PTPRD: variants seen among roughly 807,000 people sequenced by gnomAD.
The protein encoded by PTPRD is protein tyrosine phosphatase receptor type D.
Under a neutral mutation model 214.5 loss-of-function variants are expected in PTPRD, and 34 were observed. The ratio of observed to expected loss-of-function variants is 0.16; its 90% CI spans 0.12 to 0.21. The LOEUF is 0.21. Ranked by LOEUF, PTPRD falls within the 10% of genes least tolerant of loss-of-function variation. The pLI, the probability that PTPRD is intolerant of heterozygous loss-of-function variation, is 1.00. For missense variants in PTPRD, 2,545 were observed against 2,398.7 expected, an observed-to-expected ratio of 1.06 and a Z score of -1.27; for synonymous variants, 1,128 against 845.7, an observed-to-expected ratio of 1.33 and a Z score of -5.79.
chr9:9,162,355 ACT>A (rs2099891379), intron 10 of PTPRD, among the ~76,000 whole-genome samples: 1 of 151,938 alleles, frequency 6.6e-6, no homozygotes, highest in African/African-American at 2.4e-5. Flanking sequence ...CATCTTCCTA[ACT>A]CTTCTCAAAT....
At chr9:8,589,070 A>T (rs895765518) in intron 14 of PTPRD, among the ~76,000 whole-genome samples, 1 of 152,212 alleles carries the variant, frequency 6.6e-6, no homozygotes, top group African/African-American at 2.4e-5. Flanking sequence ...TCTATAGAAA[A>T]TTTTGAGTGA....
At chr9:9,080,722 T>C (rs2099757747) in intron 10 of PTPRD, among the ~76,000 whole-genome samples, 1 of 152,106 alleles carries the variant, frequency 6.6e-6, no homozygotes, top group Non-Finnish European at 1.5e-5. Flanking sequence ...AAATGTTCCC[T>C]TGGGAGGGTG....
At chr9:9,849,636 G>A (rs2060172406) in intron 5 of PTPRD, among the ~76,000 whole-genome samples, 1 of 151,512 alleles carries the variant, frequency 6.6e-6, no homozygotes, top group African/African-American at 2.4e-5. Flanking sequence ...TTTATGTAAG[G>A]TGTGATTGCT....
In PTPRD at chr9:9,284,214, A is replaced by G. The variant is rs1457109720; in HGVS notation, c.-202-100851T>C. ...CAGGTTTTAATTCCTCTTGTTCCCT[A>G]CAGCTGGGGTTACACTTGACCTGTA... is the stretch of plus-strand genomic sequence containing the variant. On this transcript the variant is annotated intron_variant, in intron 9 of 45. Coordinates refer to ENST00000381196, the MANE Select transcript of PTPRD (RefSeq NM_002839.4). Among the ~76,000 whole-genome samples, 3 of 151,582 alleles carry G rather than the reference A, an allele frequency of 2.0e-5. No homozygotes were observed. In the Admixed American group the frequency reaches 2.0e-4, roughly 10 times the overall value.
chr9:9,930,177 C>G (rs1326659034), intron 5 of PTPRD, among the ~76,000 whole-genome samples: 2 of 152,152 alleles, frequency 1.3e-5, no homozygotes, highest in East Asian at 1.9e-4. Context: ...AACCAGACAT[C>G]AGCACTGGAA....
intron 14 of PTPRD, among the ~76,000 whole-genome samples, chr9:8,545,552 T>A (rs1425784863): frequency 6.6e-6 from 1 of 152,236 alleles, no homozygotes; most frequent in African/African-American, 2.4e-5. Flanking sequence ...ACTGATTTCA[T>A]CACAGTGATT....
intron 3 of PTPRD, among the ~76,000 whole-genome samples, chr9:10,259,423 G>A (rs988120862): frequency 6.6e-6 from 1 of 152,028 alleles, no homozygotes; most frequent in African/African-American, 2.4e-5. Context: ...TGGAAGCCAG[G>A]GATAATGACA....
chr9:10,551,255 C>G (rs1482071821), intron 2 of PTPRD, among the ~76,000 whole-genome samples: 1 of 152,150 alleles, frequency 6.6e-6, no homozygotes, highest in Non-Finnish European at 1.5e-5. Context: ...AGGAGGATCC[C>G]TCATGTCCAG....
At chr9:10,494,089 C>G (rs1052803576) in intron 2 of PTPRD, among the ~76,000 whole-genome samples, 2 of 151,904 alleles carry the variant, frequency 1.3e-5, no homozygotes, top group African/African-American at 4.8e-5. Flanking sequence ...CAAACTCCAT[C>G]AAGTCGACAT....
At chr9:10,171,778 C>A (rs1244091339) in intron 3 of PTPRD, among the ~76,000 whole-genome samples, 1 of 152,184 alleles carries the variant, frequency 6.6e-6, no homozygotes, top group African/African-American at 2.4e-5. Flanking sequence ...CCGCCGTGGC[C>A]TCCCAAAGTG....
intron 35 of PTPRD, among the ~76,000 whole-genome samples, chr9:8,433,234 T>C (rs571160327): frequency 9.2e-4 from 140 of 152,330 alleles, no homozygotes; most frequent in African/African-American, 2.9e-3. Context: ...ATTACTCCTG[T>C]GGTTGCAGAG....
chr9:9,898,858 T>C (rs555145407), intron 5 of PTPRD, among the ~76,000 whole-genome samples: 83 of 152,224 alleles, frequency 5.5e-4, no homozygotes, highest in Admixed American at 2.2e-3. Context: ...ACCCACAGGA[T>C]TAAAATCTCT....
chr9:8,999,519 G>A (rs186904274), intron 11 of PTPRD, among the ~76,000 whole-genome samples: 1 of 152,204 alleles, frequency 6.6e-6, no homozygotes, highest in East Asian at 1.9e-4. Flanking sequence ...ACAATAGACT[G>A]TGAACAGAAC....
chr9:8,980,230 G>A (rs1178153175), intron 11 of PTPRD, among the ~76,000 whole-genome samples: 1 of 151,968 alleles, frequency 6.6e-6, no homozygotes, highest in Non-Finnish European at 1.5e-5. Flanking sequence ...TCATCAGTGG[G>A]GGTGGGGGCG....
intron 12 of PTPRD, among the ~76,000 whole-genome samples, chr9:8,638,644 C>G (rs2096500751): frequency 1.3e-5 from 2 of 152,044 alleles, no homozygotes; most frequent in South Asian, 4.1e-4. Flanking sequence ...GAATGAATTA[C>G]CACCTCATCA....
chr9:9,550,657 G>T (rs191264298), intron 8 of PTPRD, among the ~76,000 whole-genome samples: 201 of 151,222 alleles, frequency 1.3e-3, no homozygotes, highest in African/African-American at 4.4e-3. Flanking sequence ...GTAAAACCCC[G>T]CATGAAAAGA....
At chr9:9,306,899 T>A (rs1024071836) in intron 9 of PTPRD, among the ~76,000 whole-genome samples, 1 of 152,200 alleles carries the variant, frequency 6.6e-6, no homozygotes, top group Non-Finnish European at 1.5e-5. Context: ...CATTTGAATA[T>A]CTCAAAAGCA....
At chr9:9,967,727 C>T (rs191859346) in intron 4 of PTPRD, among the ~76,000 whole-genome samples, 11 of 152,058 alleles carry the variant, frequency 7.2e-5, no homozygotes, top group African/African-American at 2.4e-4. Context: ...AATGTGCTTT[C>T]GCTTTTTTAT....
chr9:9,349,289 G>A (rs1262034142), intron 9 of PTPRD, among the ~76,000 whole-genome samples: 1 of 152,064 alleles, frequency 6.6e-6, no homozygotes, highest in Non-Finnish European at 1.5e-5. Flanking sequence ...CCAAGGGCTA[G>A]CTTATCTACC....
Sources: allele counts gnomAD v4.1 joint callset (sites outside exome capture counted in the v4.1 genomes callset), GRCh38; gene constraint gnomAD v4.1.1; transcripts MANE v1.5; gene names NCBI Gene and HGNC (gene_info 2026-07-23, HGNC 2026-07-21).